The following FBXO9 variants were observed in gnomAD, a reference collection of about 807,000 sequenced individuals.
The protein encoded by FBXO9 is F-box only protein 9.
A neutral mutation model predicts 63.7 loss-of-function variants in FBXO9; 43 were observed. That is an observed-to-expected ratio of 0.67 (90% CI 0.53 to 0.87). FBXO9 has a LOEUF of 0.87. FBXO9 is among the 40% of genes least tolerant of loss of function. The pLI is 0.00. For missense variants in FBXO9, 442 were observed against 533.2 expected (o/e 0.83, Z 1.68); for synonymous variants, 156 against 171.7 (o/e 0.91, Z 0.72).
Position 53,081,118 on chromosome 6 carries a change from A to T in FBXO9, c.538+20A>T. The T allele has an allele frequency of 1.9e-6, 3 of 1,595,296 alleles. No homozygotes were observed. The highest frequency in any genetic ancestry group is 2.6e-6 in the Non-Finnish European group (3 of 1,175,274). On this transcript the variant is annotated intron_variant, in intron 6 of 12. Coordinates refer to ENST00000323557, the MANE Select transcript of FBXO9 (RefSeq NM_033480.3). ...TATCAGGTGTGAATACTTGTTTTTC[A>T]TAACTCAGTGAGAAATATCTTAACC...
chr6:53,096,392 A>T (rs771960557), intron 12 of FBXO9, among the ~76,000 whole-genome samples: 11 of 152,188 alleles, frequency 7.2e-5, no homozygotes, highest in Non-Finnish European at 1.6e-4. Context: ...AAATTCCGAG[A>T]GAGAAGTTTT....
At chr6:53,078,121 T>G (rs1338613055) in intron 4 of FBXO9, among the ~76,000 whole-genome samples, 1 of 152,224 alleles carries the variant, frequency 6.6e-6, no homozygotes, top group Non-Finnish European at 1.5e-5. Context: ...TAGGAAGCAT[T>G]TAATTTTCCT....
intron 12 of FBXO9, 33 bp from the exon 13 acceptor site, chr6:53,097,689 T>C (rs758066480): frequency 7.8e-7 from 1 of 1,282,996 alleles, no homozygotes; most frequent in Middle Eastern, 1.9e-4. Flanking sequence ...TGAAATTTCC[T>C]CATACTAGTA....
chr6:53,066,184 G>C (rs1768692554), intron 1 of FBXO9: 1 of 1,009,254 alleles, frequency 9.9e-7, no homozygotes, highest in Non-Finnish European at 1.2e-6. Flanking sequence ...TCGGGAGGGA[G>C]CTCTGGCAAG....
intron 3 of FBXO9, among the ~76,000 whole-genome samples, chr6:53,075,052 A>G (rs1332377428): frequency 1.3e-5 from 2 of 152,198 alleles, no homozygotes; most frequent in East Asian, 3.8e-4. Flanking sequence ...AGTATCTTAT[A>G]TTAAGTTCCC....
At position 53,084,743 on chromosome 6, in the gene FBXO9, C is replaced by T. The variant is rs141157590; in HGVS notation, c.653+2125C>T. 1.2e-3 allele frequency among the ~76,000 whole-genome samples: 185 copies of T among 152,070 alleles called. 1 individual carries two copies. Among genetic ancestry groups the T allele is most frequent in the African/African-American group, 3.3e-3 (138 of 41,506 alleles). The stretch of plus-strand genomic sequence containing the variant: ...AACTAGGAGAATTCATCAAACAGTC[C>T]GGTGTACGTGTGGATAACAACAGGT... On this transcript the variant is annotated intron_variant, in intron 7 of 12. Transcript: ENST00000323557.
At chr6:53,095,754 C>T in intron 12 of FBXO9, 90 bp downstream of exon 12, 1 of 1,269,380 alleles carries the variant, frequency 7.9e-7, no homozygotes, top group Non-Finnish European at 1.1e-6. Flanking sequence ...TCTAATTTCT[C>T]AGAGTTAACA....
chr6:53,094,056 A>G (rs1763131930), intron 11 of FBXO9, 78 bp downstream of exon 11: 1 of 775,108 alleles, frequency 1.3e-6, no homozygotes, highest in South Asian at 2.7e-5. Context: ...TAGAACAACA[A>G]CAAAAAAAAC....
chr6:53,072,604 C>T (rs1331409532), intron 2 of FBXO9, among the ~76,000 whole-genome samples: 1 of 152,164 alleles, frequency 6.6e-6, no homozygotes, highest in Admixed American at 6.5e-5. Context: ...GGGCTGACAA[C>T]TCAAGTGTTT....
At position 53,073,574 on chromosome 6, in the gene FBXO9, A is replaced by G. The variant is rs1768994696; in HGVS notation, c.184A>G (p.Arg62Gly). 1.9e-6 allele frequency: 3 copies of G among 1,611,704 alleles called. No homozygotes were observed. The highest frequency in any genetic ancestry group is 1.7e-5 in the Admixed American group (1 of 59,712). The change falls in exon 3 of 13, where the codon AGA becomes GGA. Residue 62 changes from arginine (R) to glycine (G), a missense_variant. By Grantham distance (125) the Arg-to-Gly change is moderately radical. Around this residue, in one of 2 missense-constraint regions of FBXO9, gnomAD observed 180 missense variants for 171.1 expected, o/e 1.05. Transcript: ENST00000323557. ...AGAAAATCGACCTTGCAGAGCAGCA[A>G]GAGGCTCTCTCCAGAAAACATCGGC... is the stretch of plus-strand genomic sequence containing the variant. ...NLENRPCRAA[R>G]GSLQKTSADT...
chr6:53,100,586 C>T lies in FBXO9; in HGVS notation c.*2756C>T, dbSNP rs933761487. ...GTGTAGACTTCAGTTACACCCCCAG[C>T]CCCCAGGGGAAAGCATTAGCCTTGA... On this transcript the variant is annotated 3_prime_UTR_variant, in exon 13 of 13. Transcript: ENST00000323557. 6.6e-6 allele frequency: 1 copy of T among 151,922 alleles called. No individual in the cohort carries two copies. The highest frequency in any genetic ancestry group is 2.4e-5 in the African/African-American group (1 of 41,358). The allele number at this position is 151,922 out of a possible 1,614,324, so 9.4% of individuals were successfully genotyped here.
At chr6:53,093,805 C>G (rs1763119864) in intron 10 of FBXO9, 80 bp from the exon 11 acceptor site, 3 of 1,124,616 alleles carry the variant, frequency 2.7e-6, no homozygotes, top group African/African-American at 3.2e-5. Context: ...AGAGTAAACA[C>G]TGTTGTAATT....
At chr6:53,093,644 T>G in intron 10 of FBXO9, 83 bp downstream of exon 10, 1 of 1,032,764 alleles carries the variant, frequency 9.7e-7, no homozygotes, top group Non-Finnish European at 1.4e-6. Context: ...CAGTGCTTCT[T>G]TCACTTAATA....
At position 53,070,873 on chromosome 6, in the gene FBXO9, C is replaced by T; in HGVS notation, c.4-184C>T. 3.3e-6 allele frequency: 3 copies of T among 899,088 alleles called. No individual in the cohort carries two copies. In the Admixed American group the frequency reaches 9.0e-5, roughly 27 times the overall value. The allele number at this position is 899,088 out of a possible 1,614,324, so 55.7% of individuals were successfully genotyped here. On this transcript the variant is annotated intron_variant, in intron 1 of 12. Coordinates refer to ENST00000323557, the MANE Select transcript of FBXO9 (RefSeq NM_033480.3). ...GAGTAGAGAATATGCTTTTCAGACT[C>T]ATTTTCCTTTGGAAATTAATAGTAA...
rs761159029 is a variant in FBXO9 at position 53,075,734 on chromosome 6, A to ATTTTTTTTTTTTTTT, written c.250-750_250-749insTTTTTTTTTTTTTTT. Among the ~76,000 whole-genome samples, 8 of 82,180 alleles carry ATTTTTTTTTTTTTTT rather than the reference A, an allele frequency of 9.7e-5. 1 individual carries two copies. Among genetic ancestry groups the ATTTTTTTTTTTTTTT allele is most frequent in the South Asian group, 4.2e-4 (1 of 2,402 alleles). The allele number at this position is 82,180 out of a possible 152,430, so 53.9% of individuals were successfully genotyped here. A position where few individuals can be genotyped will look rare whatever the true frequency, so the allele number is the denominator to read the frequency against. On this transcript the variant is annotated intron_variant, in intron 3 of 12. Transcript: ENST00000323557. ...TAATTGGATTACATATATATATATA[A>ATTTTTTTTTTTTTTT]TTATTTTTTTTTTTTTTTTTTTTTT...
chr6:53,100,511 C>T lies in FBXO9; in HGVS notation c.*2681C>T, dbSNP rs999109952. ...ATTTTCCTCCCAGCCCCCTTCCTAC[C>T]CCTTAGCAGAGGGCCAGGTGAGGGT... On this transcript the variant is annotated 3_prime_UTR_variant, in exon 13 of 13. Transcript: ENST00000323557. 2.6e-5 allele frequency: 4 copies of T among 152,030 alleles called. No individual in the cohort carries two copies. Among genetic ancestry groups the T allele is most frequent in the African/African-American group, 9.7e-5 (4 of 41,384 alleles). 9.4% of individuals were successfully genotyped at this position (152,030 alleles called of 1,614,324 possible).
chr6:53,077,470 CTCAAAA>C, intron 4 of FBXO9, among the ~76,000 whole-genome samples: 1 of 57,218 alleles, frequency 1.7e-5, no homozygotes, highest in African/African-American at 8.0e-5. Flanking sequence ...GAGACTCCGT[CTCAAAA>C]AAAAAAAAAA....
Position 53,092,563 on chromosome 6 carries a change from T to A in FBXO9, c.772+16T>A. On this transcript the variant is annotated intron_variant, in intron 8 of 12. Coordinates refer to ENST00000323557, the MANE Select transcript of FBXO9 (RefSeq NM_033480.3). ...CGGTTTGATGGTAAGTTGGATTCTG[T>A]AGAACTCAGCAGAAATACTGATCTA... 6.3e-7 allele frequency: 1 copy of A among 1,593,120 alleles called. No individual in the cohort carries two copies. Among genetic ancestry groups the A allele is most frequent in the Non-Finnish European group, 8.6e-7 (1 of 1,161,378 alleles).
intron 5 of FBXO9, among the ~76,000 whole-genome samples, chr6:53,079,531 T>C (rs1234720095): frequency 6.6e-6 from 1 of 152,166 alleles, no homozygotes; most frequent in Non-Finnish European, 1.5e-5. Flanking sequence ...ATTGGTTTTA[T>C]ATGGATAAAG....
Sources: allele counts gnomAD v4.1 joint callset (sites outside exome capture counted in the v4.1 genomes callset), GRCh38; gene constraint gnomAD v4.1.1; regional missense constraint gnomAD v4.1.1; transcripts MANE v1.5; gene names NCBI Gene and HGNC (gene_info 2026-07-23, HGNC 2026-07-21).